The following BTG3 variants were observed in gnomAD, a reference collection of about 807,000 sequenced individuals.
BTG3 encodes the protein BTG anti-proliferation factor 3, also known as protein BTG3.
In BTG3, 4 loss-of-function variants were observed where a neutral mutation model predicts 25.8. The ratio of observed to expected loss-of-function variants is 0.16; its 90% confidence interval spans 0.08 to 0.36. BTG3 has a LOEUF of 0.36. Ranked by LOEUF, BTG3 falls within the 10% of genes least tolerant of loss-of-function variation. BTG3 has a pLI of 1.00. For synonymous variants in BTG3, 107 were observed against 99.9 expected, an observed-to-expected ratio of 1.07 and a Z score of -0.42; for missense variants, 201 against 304.9, an observed-to-expected ratio of 0.66 and a Z score of 2.54.
At chr21:17,598,874 C>CA (rs1569176908) in intron 3 of BTG3, 50 bp from the exon 4 acceptor site, 1 of 1,440,956 alleles carries the variant, frequency 6.9e-7, no homozygotes, top group Admixed American at 2.1e-5. Flanking sequence ...ATCAGCAAAG[C>CA]AAAAAATGTC....
Position 17,593,897 on chromosome 21 carries a change from T to G in BTG3, c.*196A>C. 1 of 688,768 alleles carries G rather than the reference T, an allele frequency of 1.5e-6. No homozygotes were observed. The highest frequency in any genetic ancestry group is 2.2e-6 in the Non-Finnish European group (1 of 448,314). The allele number at this position is 688,768 out of a possible 1,614,324, so 42.7% of individuals were successfully genotyped here. ...AGGCACTTGACTAACTTTAATAAAA[T>G]TTCTCAAACTATATCAATATCTAAA... On this transcript the variant is annotated 3_prime_UTR_variant, in exon 5 of 5. Transcript: ENST00000348354.
chr21:17,612,377 A>C (rs958632241), intron 1 of BTG3: 5 of 152,226 alleles, frequency 3.3e-5, no homozygotes, highest in Non-Finnish European at 7.3e-5. Flanking sequence ...AGAGGGTGGG[A>C]AGCCGCGGGG....
At chr21:17,602,721 A>G (rs947917467) in intron 3 of BTG3, among the ~76,000 whole-genome samples, 2 of 152,234 alleles carry the variant, frequency 1.3e-5, no homozygotes, top group Non-Finnish European at 2.9e-5. Context: ...AATAAGATGA[A>G]AGCAAAGTAG....
chr21:17,608,761 T>C, intron 2 of BTG3: 1 of 450,882 alleles, frequency 2.2e-6, no homozygotes, highest in Non-Finnish European at 3.8e-6. Flanking sequence ...CCCATAGCAT[T>C]GGCCTCCTGT....
chr21:17,601,516 CCTCT>C (rs1474444815), intron 3 of BTG3, among the ~76,000 whole-genome samples: 1 of 152,082 alleles, frequency 6.6e-6, no homozygotes, highest in Admixed American at 6.6e-5. Context: ...ACAGCAAGAC[CCTCT>C]CTCTAAAACA....
intron 3 of BTG3, 36 bp downstream of exon 3, chr21:17,604,824 T>C (rs1488633100): frequency 1.9e-6 from 3 of 1,594,654 alleles, no homozygotes; most frequent in Admixed American, 1.8e-5. Context: ...AGTTCCAGCA[T>C]GGTCATCAGT....
intron 3 of BTG3, among the ~76,000 whole-genome samples, chr21:17,601,847 T>C (rs974138378): frequency 6.6e-6 from 1 of 152,186 alleles, no homozygotes; most frequent in African/African-American, 2.4e-5. Context: ...CAAGGGCAAA[T>C]ATCTAATGAT....
At chr21:17,603,199 C>G (rs2061595679) in intron 3 of BTG3, among the ~76,000 whole-genome samples, 1 of 152,146 alleles carries the variant, frequency 6.6e-6, no homozygotes, top group South Asian at 2.1e-4. Context: ...ACAGCTATTT[C>G]TTATAAATGG....
At chr21:17,610,535 T>C (rs890434958) in intron 1 of BTG3, among the ~76,000 whole-genome samples, 4 of 152,228 alleles carry the variant, frequency 2.6e-5, no homozygotes, top group African/African-American at 9.6e-5. Flanking sequence ...ACATTTTGGA[T>C]TGCCTCAAAG....
intron 4 of BTG3, among the ~76,000 whole-genome samples, chr21:17,595,992 T>C (rs889108631): frequency 3.3e-5 from 5 of 152,042 alleles, no homozygotes; most frequent in African/African-American, 1.2e-4. Flanking sequence ...GTGTTTCATA[T>C]GGATTTAATC....
At chr21:17,599,043 C>A (rs1405921940) in intron 3 of BTG3, 8 of 401,118 alleles carry the variant, frequency 2.0e-5, no homozygotes, top group Non-Finnish European at 3.1e-5. Context: ...ATAAACATAA[C>A]CCCATTTTCT....
intron 3 of BTG3, among the ~76,000 whole-genome samples, chr21:17,604,526 T>G (rs912171952): frequency 4.6e-5 from 7 of 152,142 alleles, no homozygotes; most frequent in Non-Finnish European, 8.8e-5. Flanking sequence ...TGGGATTAGC[T>G]TCTTAATTTG....
At chr21:17,597,500 G>GA (rs555166009) in intron 4 of BTG3, among the ~76,000 whole-genome samples, 11 of 149,646 alleles carry the variant, frequency 7.4e-5, no homozygotes, top group East Asian at 3.9e-4. Context: ...CTAAAAAAAA[G>GA]AAAAAAAAAC....
chr21:17,595,294 G>T (rs2061490152), intron 4 of BTG3, among the ~76,000 whole-genome samples: 2 of 152,078 alleles, frequency 1.3e-5, no homozygotes, highest in Admixed American at 1.3e-4. Flanking sequence ...GCATTTCTAA[G>T]TATAGGATTT....
At chr21:17,602,134 G>A (rs75360184) in intron 3 of BTG3, among the ~76,000 whole-genome samples, 18,639 of 149,920 alleles carry the variant, frequency 0.12, 1,187 homozygotes, top group Middle Eastern at 0.19. Context: ...TCTATTGGGG[G>A]AAAAAAAGGA....
chr21:17,611,472 CTTTTG>C, intron 1 of BTG3, among the ~76,000 whole-genome samples: 1 of 152,262 alleles, frequency 6.6e-6, no homozygotes, highest in Middle Eastern at 3.4e-3. Context: ...CTCATTTGGA[CTTTTG>C]TTTTCCCCGT....
Position 17,598,770 on chromosome 21 carries a change from C to T in BTG3, c.366G>A (p.Glu122=), listed in dbSNP as rs1181698114. 6.2e-7 allele frequency: 1 copy of T among 1,614,138 alleles called. No individual in the cohort carries two copies. Among genetic ancestry groups the T allele is most frequent in the Non-Finnish European group, 8.5e-7 (1 of 1,180,018 alleles). ...FIVASFENKD[E]NKDEISRKVT... is the part of the protein sequence containing the mutation. ...CTTTCCTGGAGATCTCATCCTTGTT[C>T]TCATCTTTATTTTCAAAGCTGGCAA... The change falls in exon 4 of 5, where the codon GAG becomes GAA. Residue 122 remains glutamate, a synonymous_variant. Coordinates refer to ENST00000348354, the MANE Select transcript of BTG3 (RefSeq NM_006806.5).
rs2061472626 is a variant in BTG3, at chr21:17,594,201, T to A, written c.651A>T (p.Gly217=). ...TTGGGCGATATGGTTTATTTTTTCT[T>A]CCCTGATTTGGATAACCAAATGGAA... ...PPVPFGYPNQ[G]RKNKPYRPIP... is the part of the protein sequence containing the mutation. Residue 217 remains glycine, a synonymous_variant, in exon 5 of 5, where the codon GGA becomes GGT. Coordinates refer to ENST00000348354, the MANE Select transcript of BTG3 (RefSeq NM_006806.5). 2 of 1,613,232 alleles carry A rather than the reference T, an allele frequency of 1.2e-6. No homozygotes were observed. Among genetic ancestry groups the A allele is most frequent in the Non-Finnish European group, 1.7e-6 (2 of 1,179,458 alleles).
chr21:17,599,874 T>TA (rs1165074809), intron 3 of BTG3, among the ~76,000 whole-genome samples: 3 of 152,082 alleles, frequency 2.0e-5, no homozygotes, highest in Non-Finnish European at 4.4e-5. Context: ...CCCAATTAAA[T>TA]AAAAAAGGGG....
Sources: gnomAD v4.1 joint callset for allele counts (sites outside exome capture counted in the v4.1 genomes callset) on GRCh38, gnomAD v4.1.1 for gene constraint, MANE v1.5 for transcripts, NCBI Gene and HGNC (gene_info 2026-07-23, HGNC 2026-07-21) for gene names.